The following ZNF469 variants were observed in gnomAD, a reference collection of about 807,000 sequenced individuals.
The protein encoded by ZNF469 is zinc finger protein 469.
Under a neutral mutation model 1.0 loss-of-function variants are expected in ZNF469, and 1 was observed. The observed-to-expected ratio is 1.00, with a 90% confidence interval of 0.35 to 4.73. The LOEUF is 4.73. Ranked by LOEUF, ZNF469 falls within the 30% of genes most tolerant of loss-of-function variation. ZNF469 has a pLI of 0.16. For synonymous variants in ZNF469, 2,703 were observed against 2,363.4 expected, an observed-to-expected ratio of 1.14 and a Z score of -4.17; for missense variants, 6,100 against 5,356.3, an observed-to-expected ratio of 1.14 and a Z score of -4.33.
At chr16:88,398,858 A>G (rs1297744553) in intron 1 of ZNF469, among the ~76,000 whole-genome samples, 1 of 152,230 alleles carries the variant, frequency 6.6e-6, no homozygotes, top group East Asian at 1.9e-4. Context: ...TGTTGCTTTC[A>G]TGGGTCAGAG....
At chr16:88,107,610 G>A in the ZNF469 span, among the ~76,000 whole-genome samples, 39 of 152,328 alleles carry the variant, frequency 2.6e-4, no homozygotes, top group African/African-American at 9.1e-4. Context: ...TGAGGGTCAC[G>A]AGGCAAGGTC....
chr16:88,428,380 T>A lies in ZNF469; in HGVS notation c.910T>A (p.Phe304Ile). ...CGCATTCACCAATGGGCCACTGGTG[T>A]TTGCCTTCCATCAGCCCCAGGGAGC... ...GHAFTNGPLVFAFHQPQGAWP... is the reference protein window; with the variant it reads ...GHAFTNGPLVIAFHQPQGAWP... The change falls in exon 3 of 3, where the codon TTT (phenylalanine) becomes ATT (isoleucine). Residue 304 changes from phenylalanine (F) to isoleucine (I), a missense_variant. Coordinates refer to ENST00000565624, the MANE Select transcript of ZNF469 (RefSeq NM_001367624.2). 1 of 1,548,652 alleles carries A rather than the reference T, an allele frequency of 6.5e-7. No individual in the cohort carries two copies.
the ZNF469 span, among the ~76,000 whole-genome samples, chr16:88,224,027 CA>C: frequency 6.6e-6 from 1 of 152,106 alleles, no homozygotes; most frequent in Non-Finnish European, 1.5e-5. Flanking sequence ...GATTTTCTTT[CA>C]AATGATAAGA....
the ZNF469 span, among the ~76,000 whole-genome samples, chr16:88,242,578 C>T: frequency 6.6e-6 from 1 of 152,244 alleles, no homozygotes; most frequent in Non-Finnish European, 1.5e-5. Flanking sequence ...TTCTTAGGCC[C>T]TGGGGGTTAG....
the ZNF469 span, among the ~76,000 whole-genome samples, chr16:88,102,662 G>A: frequency 3.3e-5 from 5 of 152,198 alleles, no homozygotes; most frequent in Admixed American, 6.5e-5. Context: ...ACAAGGTACC[G>A]ACAGCCCTCA....
At chr16:88,277,138 C>T in the ZNF469 span, among the ~76,000 whole-genome samples, 4,546 of 150,520 alleles carry the variant, frequency 0.03, 189 homozygotes, top group East Asian at 0.15. Context: ...TGGTCAGTAC[C>T]GTGTAGATAT....
At chr16:88,253,268 G>T in the ZNF469 span, among the ~76,000 whole-genome samples, 3 of 152,164 alleles carry the variant, frequency 2.0e-5, no homozygotes, top group Non-Finnish European at 4.4e-5. Flanking sequence ...AAGACATTTT[G>T]CCTATTAGAA....
intron 1 of ZNF469, among the ~76,000 whole-genome samples, chr16:88,400,653 A>G (rs1222564281): frequency 1.3e-5 from 2 of 152,062 alleles, no homozygotes; most frequent in African/African-American, 2.4e-5. Context: ...CTCTGTCCCC[A>G]CAGTCATGGG....
At chr16:88,263,120 T>C in the ZNF469 span, among the ~76,000 whole-genome samples, 7 of 152,144 alleles carry the variant, frequency 4.6e-5, no homozygotes, top group Admixed American at 4.6e-4. Context: ...CGTGTCTGAG[T>C]TCCTCTCTGT....
At chr16:88,168,211 G>C in the ZNF469 span, among the ~76,000 whole-genome samples, 1 of 152,204 alleles carries the variant, frequency 6.6e-6, no homozygotes, top group Admixed American at 6.5e-5. The surrounding 1 kb of genome is among the most constrained non-coding windows in gnomAD (Gnocchi z 4.3). Context: ...AACTTCAAAA[G>C]ACTGAAGTTT....
At chr16:88,397,711 G>C (rs910097438) in intron 1 of ZNF469, among the ~76,000 whole-genome samples, 1 of 134,372 alleles carries the variant, frequency 7.4e-6, no homozygotes, top group Non-Finnish European at 1.6e-5. Context: ...ATATATACGC[G>C]AGGAAAGAGA....
At chr16:88,408,341 G>A (rs942931007) in intron 1 of ZNF469, among the ~76,000 whole-genome samples, 16 of 152,170 alleles carry the variant, frequency 1.1e-4, no homozygotes, top group African/African-American at 3.1e-4. Context: ...TAGTAGAGAC[G>A]GGGTTTCGCC....
the ZNF469 span, among the ~76,000 whole-genome samples, chr16:88,107,339 A>C: frequency 6.6e-6 from 1 of 152,248 alleles, no homozygotes; most frequent in African/African-American, 2.4e-5. Context: ...GGCGAAGAAG[A>C]AGCAAGAACC....
chr16:88,197,815 T>C, the ZNF469 span, among the ~76,000 whole-genome samples: 20,066 of 152,222 alleles, frequency 0.13, 1,749 homozygotes, highest in East Asian at 0.32. Flanking sequence ...GCATCTGCCA[T>C]GCGGGCTTCT....
At chr16:88,363,950 A>G in the ZNF469 span, among the ~76,000 whole-genome samples, 1 of 152,136 alleles carries the variant, frequency 6.6e-6, no homozygotes, top group Non-Finnish European at 1.5e-5. Context: ...TCACTCTCTA[A>G]TGGTGTCTAC....
At chr16:88,282,521 C>A in the ZNF469 span, among the ~76,000 whole-genome samples, 2 of 151,934 alleles carry the variant, frequency 1.3e-5, no homozygotes, top group African/African-American at 2.4e-5. Context: ...CAGATGCTCA[C>A]CTTGCAGAAG....
the ZNF469 span, among the ~76,000 whole-genome samples, chr16:88,314,428 CTG>C: frequency 1.8e-4 from 25 of 137,284 alleles, 1 homozygote; most frequent in South Asian, 6.9e-3. Context: ...ACTGTCATCT[CTG>C]TAATTCAGGC....
the ZNF469 span, among the ~76,000 whole-genome samples, chr16:88,352,574 T>C: frequency 6.6e-6 from 1 of 152,196 alleles, no homozygotes; most frequent in African/African-American, 2.4e-5. Context: ...TCCTTGTCTG[T>C]ACAACCACAA....
At chr16:88,179,949 G>A in the ZNF469 span, among the ~76,000 whole-genome samples, 2 of 152,188 alleles carry the variant, frequency 1.3e-5, no homozygotes, top group Non-Finnish European at 2.9e-5. Context: ...GGCAGACTGA[G>A]AAGCTACAGC....
Sources: gnomAD v4.1 joint callset for allele counts (sites outside exome capture counted in the v4.1 genomes callset) on GRCh38, gnomAD v4.1.1 for gene constraint, Gnocchi (gnomAD v3.1) non-coding constraint, MANE v1.5 for transcripts, NCBI Gene and HGNC (gene_info 2026-07-23, HGNC 2026-07-21) for gene names.